The following CNTNAP5 variants were observed in gnomAD, a reference collection of about 807,000 sequenced individuals.
The protein encoded by CNTNAP5 is contactin-associated protein-like 5.
Under a neutral mutation model 150.2 loss-of-function variants are expected in CNTNAP5, and 72 were observed. The ratio of observed to expected loss-of-function variants is 0.48; its 90% confidence interval spans 0.40 to 0.58. CNTNAP5 has a LOEUF of 0.58. Among genes scored for constraint, CNTNAP5 ranks in the 20% least tolerant of loss-of-function variants. CNTNAP5 has a pLI of 0.00. For missense variants in CNTNAP5, 1,636 were observed against 1,626.2 expected (o/e 1.01, Z -0.10); for synonymous variants, 672 against 619.8 (o/e 1.08, Z -1.25).
chr2:124,653,026 T>C (rs1044887917), intron 13 of CNTNAP5, among the ~76,000 whole-genome samples: 1 of 152,152 alleles, frequency 6.6e-6, no homozygotes, highest in African/African-American at 2.4e-5. Context: ...GCGGAGCAAA[T>C]CAGTCATGGA....
intron 13 of CNTNAP5, among the ~76,000 whole-genome samples, chr2:124,717,276 G>A (rs563502451): frequency 6.6e-6 from 1 of 152,290 alleles, no homozygotes; most frequent in East Asian, 1.9e-4. Flanking sequence ...TGCCAGATTG[G>A]CATCCTTTCC....
At chr2:124,490,289 G>T (rs772205358) in intron 7 of CNTNAP5, among the ~76,000 whole-genome samples, 11 of 149,448 alleles carry the variant, frequency 7.4e-5, no homozygotes, top group African/African-American at 2.5e-4. Flanking sequence ...GACCAAGAAG[G>T]CACCACTGCA....
intron 13 of CNTNAP5, among the ~76,000 whole-genome samples, chr2:124,658,033 T>A (rs984911387): frequency 1.3e-5 from 2 of 152,224 alleles, no homozygotes; most frequent in Non-Finnish European, 2.9e-5. Flanking sequence ...TCATTCTTTA[T>A]TCCCAAAATG....
intron 13 of CNTNAP5, among the ~76,000 whole-genome samples, chr2:124,739,579 C>T (rs1191403514): frequency 1.3e-5 from 2 of 152,064 alleles, no homozygotes; most frequent in Non-Finnish European, 2.9e-5. Flanking sequence ...AAGCCCCCAG[C>T]GCTTAACTGC....
chr2:124,033,927 A>G (rs1238060390), intron 1 of CNTNAP5, among the ~76,000 whole-genome samples: 1 of 152,186 alleles, frequency 6.6e-6, no homozygotes, highest in Non-Finnish European at 1.5e-5. Context: ...GAAAAAAAAA[A>G]AAGTGTGTGA....
intron 7 of CNTNAP5, among the ~76,000 whole-genome samples, chr2:124,500,530 G>C (rs1362750067): frequency 2.6e-5 from 4 of 152,094 alleles, no homozygotes. Context: ...ATATATCCAA[G>C]GAGGTCAGAC....
intron 19 of CNTNAP5, among the ~76,000 whole-genome samples, chr2:124,824,613 C>A (rs1046790952): frequency 1.3e-5 from 2 of 152,108 alleles, no homozygotes; most frequent in Non-Finnish European, 2.9e-5. Context: ...TAAGTAATAT[C>A]TTGTCCCAGC....
intron 13 of CNTNAP5, among the ~76,000 whole-genome samples, chr2:124,722,050 A>G (rs1246319840): frequency 6.6e-6 from 1 of 151,946 alleles, no homozygotes; most frequent in East Asian, 1.9e-4. Context: ...CCCCACATAA[A>G]CAGTCCTGTT....
At chr2:124,484,382 C>T (rs1013311644) in intron 7 of CNTNAP5, among the ~76,000 whole-genome samples, 1 of 152,146 alleles carries the variant, frequency 6.6e-6, no homozygotes, top group African/African-American at 2.4e-5. Context: ...GATGAAGGCA[C>T]TAGGTGTTGA....
chr2:124,563,784 G>A (rs981283691), intron 11 of CNTNAP5, among the ~76,000 whole-genome samples: 2 of 152,196 alleles, frequency 1.3e-5, no homozygotes, highest in African/African-American at 4.8e-5. Context: ...GTTCTTAGAT[G>A]GTAACAAAAT....
At chr2:124,103,330 GAAT>G (rs1258542159) in intron 1 of CNTNAP5, among the ~76,000 whole-genome samples, 3 of 151,972 alleles carry the variant, frequency 2.0e-5, no homozygotes, top group East Asian at 3.9e-4. Flanking sequence ...TATGATTGAA[GAAT>G]AATTTTTTAA....
intron 3 of CNTNAP5, among the ~76,000 whole-genome samples, chr2:124,352,021 C>T (rs1689884194): frequency 6.6e-6 from 1 of 152,050 alleles, no homozygotes; most frequent in Non-Finnish European, 1.5e-5. Flanking sequence ...GAATAGGTGA[C>T]AGCTGAGCTA....
intron 19 of CNTNAP5, among the ~76,000 whole-genome samples, chr2:124,804,887 T>C (rs1682048916): frequency 6.6e-6 from 1 of 151,064 alleles, no homozygotes; most frequent in South Asian, 2.1e-4. Context: ...AAACACACTT[T>C]ATTTCCTTAT....
At chr2:124,406,557 G>T (rs2420848) in intron 3 of CNTNAP5, among the ~76,000 whole-genome samples, 64,700 of 151,990 alleles carry the variant, frequency 0.43, 16,092 homozygotes, top group South Asian at 0.54. Flanking sequence ...GTTTTCATTT[G>T]ATTTTTAAAT....
intron 8 of CNTNAP5, among the ~76,000 whole-genome samples, chr2:124,519,313 C>T (rs2104881003): frequency 6.6e-6 from 1 of 151,776 alleles, no homozygotes; most frequent in East Asian, 1.9e-4. Flanking sequence ...CATTGGGTTT[C>T]ACACTTTAGA....
intron 3 of CNTNAP5, among the ~76,000 whole-genome samples, chr2:124,283,997 G>C (rs372781325): frequency 3.1e-4 from 47 of 152,262 alleles, no homozygotes; most frequent in African/African-American, 1.1e-3. Flanking sequence ...CATAGCAGGG[G>C]CTTTTCCTCT....
At chr2:124,462,704 C>T (rs193226150) in intron 6 of CNTNAP5, among the ~76,000 whole-genome samples, 2 of 152,260 alleles carry the variant, frequency 1.3e-5, no homozygotes, top group African/African-American at 4.8e-5. Flanking sequence ...TAGCCAAGCC[C>T]CTCTAGGGTG....
intron 19 of CNTNAP5, among the ~76,000 whole-genome samples, chr2:124,845,889 T>A (rs993256207): frequency 6.6e-6 from 1 of 152,184 alleles, no homozygotes; most frequent in Non-Finnish European, 1.5e-5. Flanking sequence ...CTTTCTTGGT[T>A]AATCTTGCTA....
chr2:124,254,721 G>C (rs1431325994), intron 3 of CNTNAP5, among the ~76,000 whole-genome samples: 2 of 152,144 alleles, frequency 1.3e-5, no homozygotes, highest in Non-Finnish European at 1.5e-5. Flanking sequence ...ACTTGATGGA[G>C]GCCCAGAATC....
Sources: gnomAD v4.1 joint callset for allele counts (sites outside exome capture counted in the v4.1 genomes callset) on GRCh38, gnomAD v4.1.1 for gene constraint, MANE v1.5 for transcripts, NCBI Gene and HGNC (gene_info 2026-07-23, HGNC 2026-07-21) for gene names.